Variants in REDIC1 observed in about 807,000 individuals in gnomAD.
REDIC1 encodes the protein regulator of DNA class I crossover intermediates 1, also known as HEI10 Interacting Protein 1.
At chr12:39,764,436 A>G in the REDIC1 span, 2 of 1,529,230 alleles carry the variant, frequency 1.3e-6, no homozygotes, top group Non-Finnish European at 1.8e-6. Flanking sequence ...AAACAAAACT[A>G]TGTTAGAAAA....
chr12:39,741,243 T>C, the REDIC1 span, among the ~76,000 whole-genome samples: 1 of 152,188 alleles, frequency 6.6e-6, no homozygotes, highest in Non-Finnish European at 1.5e-5. Context: ...GTTCATTAAA[T>C]TTACATCTGT....
At chr12:39,706,934 C>T in the REDIC1 span, among the ~76,000 whole-genome samples, 1 of 151,978 alleles carries the variant, frequency 6.6e-6, no homozygotes, top group East Asian at 1.9e-4. Flanking sequence ...TTCCCCAGGA[C>T]ATTCCTTTGG....
At chr12:39,635,904 G>A in the REDIC1 span, among the ~76,000 whole-genome samples, 6 of 152,054 alleles carry the variant, frequency 3.9e-5, no homozygotes, top group Admixed American at 1.3e-4. Flanking sequence ...TGTTTGTGTG[G>A]AAATCTTACG....
At chr12:39,663,198 G>C in the REDIC1 span, among the ~76,000 whole-genome samples, 2 of 151,916 alleles carry the variant, frequency 1.3e-5, no homozygotes, top group Non-Finnish European at 2.9e-5. Flanking sequence ...CTTATGCTGA[G>C]AGTGTGGCAT....
the REDIC1 span, among the ~76,000 whole-genome samples, chr12:39,704,400 A>G: frequency 1.9e-4 from 29 of 152,226 alleles, no homozygotes; most frequent in Non-Finnish European, 2.4e-4. Flanking sequence ...TAGAATGGCA[A>G]TCATTAAAAA....
the REDIC1 span, among the ~76,000 whole-genome samples, chr12:39,652,099 G>A: frequency 3.3e-5 from 5 of 152,094 alleles, 1 homozygote; most frequent in South Asian, 1.0e-3. Context: ...TTTTATTGCA[G>A]GGTAGTATTT....
chr12:39,799,180 T>G, the REDIC1 span, among the ~76,000 whole-genome samples: 1 of 149,932 alleles, frequency 6.7e-6, no homozygotes, highest in Non-Finnish European at 1.5e-5. Context: ...CCTCCCAGGT[T>G]CAAGTGATTC....
chr12:39,896,576 GTGTGTA>G, the REDIC1 span, among the ~76,000 whole-genome samples: 1 of 97,566 alleles, frequency 1.0e-5, no homozygotes, highest in Non-Finnish European at 2.1e-5. Context: ...ATGTATGTAT[GTGTGTA>G]TATATGTATA....
chr12:39,849,012 G>A, the REDIC1 span, among the ~76,000 whole-genome samples: 14 of 152,002 alleles, frequency 9.2e-5, no homozygotes, highest in Non-Finnish European at 4.4e-5. Flanking sequence ...CAGACACTGG[G>A]GTCTACTTGA....
At chr12:39,644,470 C>T in the REDIC1 span, among the ~76,000 whole-genome samples, 1 of 151,678 alleles carries the variant, frequency 6.6e-6, no homozygotes, top group Non-Finnish European at 1.5e-5. Context: ...TATTTTTCCT[C>T]TTTTAGAGGA....
At chr12:39,706,182 G>GA in the REDIC1 span, among the ~76,000 whole-genome samples, 2 of 151,792 alleles carry the variant, frequency 1.3e-5, no homozygotes, top group Non-Finnish European at 2.9e-5. Context: ...TGAACAGTCT[G>GA]AAAAAAATTT....
the REDIC1 span, among the ~76,000 whole-genome samples, chr12:39,663,871 C>T: frequency 2.6e-5 from 4 of 151,730 alleles, no homozygotes; most frequent in Non-Finnish European, 5.9e-5. Flanking sequence ...CTTTCTTTTT[C>T]TTTTCTTTTC....
At chr12:39,771,886 T>C in the REDIC1 span, among the ~76,000 whole-genome samples, 3 of 152,116 alleles carry the variant, frequency 2.0e-5, no homozygotes, top group Non-Finnish European at 4.4e-5. Flanking sequence ...AAATTACTTA[T>C]TTTCTGAACC....
the REDIC1 span, among the ~76,000 whole-genome samples, chr12:39,704,645 T>C: frequency 5.9e-3 from 900 of 152,196 alleles, 29 homozygotes; most frequent in Admixed American, 0.051. Flanking sequence ...CGGCATTATT[T>C]ACAATAGCAA....
At chr12:39,714,776 T>C in the REDIC1 span, among the ~76,000 whole-genome samples, 1 of 151,966 alleles carries the variant, frequency 6.6e-6, no homozygotes, top group Admixed American at 6.6e-5. Context: ...TAAGGTGGTA[T>C]CACATTGTGG....
the REDIC1 span, among the ~76,000 whole-genome samples, chr12:39,671,665 G>A: frequency 1.3e-5 from 2 of 152,086 alleles, no homozygotes; most frequent in African/African-American, 4.8e-5. Context: ...TGGTGATAGT[G>A]GTAGCTTTGA....
chr12:39,683,632 A>G, the REDIC1 span: 1 of 618,866 alleles, frequency 1.6e-6, no homozygotes, highest in South Asian at 2.1e-5. Context: ...CAGGAGTCAC[A>G]GTGTTGATAA....
chr12:39,898,877 A>G, the REDIC1 span, among the ~76,000 whole-genome samples: 1 of 152,184 alleles, frequency 6.6e-6, no homozygotes. Context: ...TCACCCTTGT[A>G]TATAAAATGG....
chr12:39,637,700 T>C, the REDIC1 span, among the ~76,000 whole-genome samples: 1 of 152,190 alleles, frequency 6.6e-6, no homozygotes, highest in South Asian at 2.1e-4. Context: ...AATACTGCAG[T>C]AGTCAGTGTG....
Sources: allele counts gnomAD v4.1 joint callset (sites outside exome capture counted in the v4.1 genomes callset), GRCh38; gene constraint gnomAD v4.1.1; transcripts MANE v1.5; gene names NCBI Gene and HGNC (gene_info 2026-07-23, HGNC 2026-07-21).